IQCF5: variants seen among roughly 807,000 people sequenced by gnomAD.
IQCF5 encodes IQ domain-containing protein F5.
IQCF5 carries 2 observed loss-of-function variants against 3.4 expected under a neutral mutation model. That is an observed-to-expected ratio of 0.58 (90% CI 0.24 to 1.84). IQCF5 has a LOEUF of 1.84. Among genes scored for constraint, IQCF5 ranks in the 40% most tolerant of loss-of-function variants. The pLI, the probability that IQCF5 is intolerant of heterozygous loss-of-function variation, is 0.17. For missense variants in IQCF5, 167 were observed against 191.6 expected (o/e 0.87, Z 0.76); for synonymous variants, 58 against 64.7 (o/e 0.90, Z 0.49).
intron 1 of IQCF5, chr3:51,874,826 C>T (rs954641370): frequency 1.1e-4 from 21 of 192,796 alleles, no homozygotes; most frequent in Non-Finnish European, 2.2e-4. Flanking sequence ...ACAGTCTCCA[C>T]TCCGTATCTC....
intron 1 of IQCF5, chr3:51,874,673 G>A (rs901450046): frequency 2.8e-6 from 1 of 352,274 alleles, no homozygotes; most frequent in African/African-American, 2.1e-5. Context: ...TTGAACTTCA[G>A]CTATGCATGC....
intron 1 of IQCF5, 27 bp downstream of exon 1, chr3:51,875,501 G>A (rs1261728655): frequency 7.1e-6 from 11 of 1,551,830 alleles, no homozygotes; most frequent in East Asian, 2.4e-5. Context: ...CGTAAAATTC[G>A]CACAGGTCTG....
intron 1 of IQCF5, 81 bp from the exon 2 acceptor site, chr3:51,874,256 A>C: frequency 7.2e-7 from 1 of 1,391,304 alleles, no homozygotes; most frequent in Non-Finnish European, 9.9e-7. Context: ...CTTCCTCTAA[A>C]GTTCAGCACT....
rs549591902 is a variant in IQCF5, at chr3:51,874,243, C to T, written c.5-68G>A. 7 of 1,460,404 alleles carry T rather than the reference C, an allele frequency of 4.8e-6. No homozygotes were observed. In the South Asian group the frequency reaches 8.5e-5, roughly 18 times the overall value. The allele number at this position is 1,460,404 out of a possible 1,614,324, so 90.5% of individuals were successfully genotyped here. A position where few individuals can be genotyped will look rare whatever the true frequency, so the allele number is the denominator to read the frequency against. On this transcript the variant is annotated intron_variant, in intron 1 of 1. Transcript: ENST00000446461. ...GGCCCTGATCCTCTATCAATGATGG[C>T]TCCTTCCTCTAAAGTTCAGCACTGG...
intron 1 of IQCF5, 103 bp from the exon 2 acceptor site, chr3:51,874,278 C>T: frequency 8.5e-7 from 1 of 1,172,578 alleles, no homozygotes; most frequent in Non-Finnish European, 1.2e-6. Flanking sequence ...GGCAGGGCAA[C>T]AGCTGAACCC....
intron 1 of IQCF5, chr3:51,875,273 A>T (rs1041171959): frequency 1.8e-6 from 1 of 547,172 alleles, no homozygotes; most frequent in African/African-American, 1.9e-5. Context: ...ATCAGAGTGT[A>T]TGGGGGGAAA....
At chr3:51,874,305 G>T in intron 1 of IQCF5, 130 bp from the exon 2 acceptor site, 2 of 909,922 alleles carry the variant, frequency 2.2e-6, no homozygotes, top group South Asian at 1.4e-5. Context: ...CCAGGTAGGT[G>T]TCCCCCCTCT....
At chr3:51,875,107 G>A (rs538549169) in intron 1 of IQCF5, 4 of 217,616 alleles carry the variant, frequency 1.8e-5, no homozygotes, top group South Asian at 8.5e-5. Flanking sequence ...AGCCACTCAC[G>A]GAGTTGTGGG....
At position 51,874,150 on chromosome 3, in the gene IQCF5, T is replaced by C; in HGVS notation, c.30A>G (p.Thr10=). The change falls in exon 2 of 2, where the codon ACA becomes ACG. Residue 10 remains threonine (T), a synonymous_variant. Transcript: ENST00000446461. The part of the protein sequence containing the change: MGPEEKTIM[T]ERSAAVFIQA... ...GGATGAAAACAGCTGCAGACCTTTC[T>C]GTCATGATGGTCTTCTCTTCTGGGC... 6.4e-7 allele frequency: 1 copy of C among 1,551,712 alleles called. No individual in the cohort carries two copies. The highest frequency in any genetic ancestry group is 8.7e-7 in the Non-Finnish European group (1 of 1,146,832).
rs549278514 is a variant in IQCF5 at position 51,874,199 on chromosome 3, T to C, written c.5-24A>G. ...GCCTTACAAGAGAAAACAGACACAC[T>C]CAGGGTATGCTAGGAAGGGGCCCTG... On this transcript the variant is annotated intron_variant, in intron 1 of 1. Coordinates refer to ENST00000446461, the MANE Select transcript of IQCF5 (RefSeq NM_001145059.2). 6.5e-6 allele frequency: 10 copies of C among 1,544,668 alleles called. No individual in the cohort carries two copies. In the South Asian group the frequency reaches 1.2e-4, roughly 18 times the overall value.
intron 1 of IQCF5, 66 bp from the exon 2 acceptor site, chr3:51,874,241 G>A: frequency 5.5e-6 from 8 of 1,466,140 alleles, no homozygotes; most frequent in Non-Finnish European, 7.4e-6. Flanking sequence ...TATCAATGAT[G>A]GCTCCTTCCT....
Position 51,873,897 on chromosome 3 carries a change from G to T in IQCF5, c.283C>A (p.Arg95Ser). 6.4e-7 allele frequency: 1 copy of T among 1,551,742 alleles called. No individual in the cohort carries two copies. Among genetic ancestry groups the T allele is most frequent in the Non-Finnish European group, 8.7e-7 (1 of 1,147,018 alleles). The change falls in exon 2 of 2, where the codon CGC (arginine) becomes AGC (serine). Residue 95 changes from arginine to serine, a missense_variant. Physicochemically the swap from Arg to Ser is moderately radical, Grantham distance 110. Coordinates refer to ENST00000446461, the MANE Select transcript of IQCF5 (RefSeq NM_001145059.2). ...QRYCRLLNAV[R>S]IIQVYWRWHS... ...CAGCGCCAATAGACCTGGATGATGC[G>T]GACAGCGTTGAGCAAACGACAGTAA...
chr3:51,875,244 A>T, intron 1 of IQCF5: 1 of 507,568 alleles, frequency 2.0e-6, no homozygotes, highest in Non-Finnish European at 3.6e-6. Flanking sequence ...CATTTAAAAC[A>T]GCTTGCCATC....
At chr3:51,874,931 CCAGTTTTTCTGGAACACCCTGATTGATGT>C (rs1698780291) in intron 1 of IQCF5, 1 of 172,568 alleles carries the variant, frequency 5.8e-6, no homozygotes, top group Non-Finnish European at 1.3e-5. Flanking sequence ...ACGTTTCACC[CCAGTTTTTCTGGAACACCCTGATTGATGT>C]CAGGTAATGA....
At chr3:51,875,400 T>C in intron 1 of IQCF5, 128 bp downstream of exon 1, 1 of 995,372 alleles carries the variant, frequency 1.0e-6, no homozygotes, top group Non-Finnish European at 1.6e-6. Context: ...AGGGGGGTCC[T>C]GTCATGAGTA....
intron 1 of IQCF5, chr3:51,874,707 A>G: frequency 3.3e-6 from 1 of 300,192 alleles, no homozygotes; most frequent in South Asian, 2.9e-5. Context: ...TGCACACTCC[A>G]CACACTAACA....
In IQCF5 at chr3:51,874,429, C is replaced by A. The variant is rs535838619; in HGVS notation, c.5-254G>T. ...GCTACCTCATTCCATTTTCCATGGA[C>A]CTTGCTGGCCAGTCTAGAGCAAGAA... On this transcript the variant is annotated intron_variant, in intron 1 of 1. Coordinates refer to ENST00000446461, the MANE Select transcript of IQCF5 (RefSeq NM_001145059.2). The A allele has an allele frequency of 2.0e-4, 134 of 656,190 alleles. 1 individual carries two copies. The African/African-American group carries it at 2.2e-3, about 11-fold the overall frequency. 40.6% of individuals were successfully genotyped at this position (656,190 alleles called of 1,614,324 possible).
rs766381060 is a variant in IQCF5 at position 51,873,875 on chromosome 3, C to T, written c.305G>A (p.Arg102His). The T allele has an allele frequency of 6.0e-5, 93 of 1,551,636 alleles. No homozygotes were observed. Among genetic ancestry groups the T allele is most frequent in the Non-Finnish European group, 7.1e-5 (81 of 1,147,006 alleles). Reference sequence around the variant, plus strand: ...GACACGGGAATGGCAGCTGTGCCAGCGCCAATAGACCTGGATGATGCGGAC... The same window carrying T: ...GACACGGGAATGGCAGCTGTGCCAGTGCCAATAGACCTGGATGATGCGGAC... The part of the protein sequence containing the change: ...NAVRIIQVYW[R>H]WHSCHSRVFI... The change falls in exon 2 of 2, where the codon CGC becomes CAC. Residue 102 changes from arginine (R) to histidine (H), a missense_variant. Coordinates refer to ENST00000446461, the MANE Select transcript of IQCF5 (RefSeq NM_001145059.2).
intron 1 of IQCF5, 122 bp from the exon 2 acceptor site, chr3:51,874,297 A>ACCTGGTCTCCT: frequency 3.1e-6 from 3 of 983,442 alleles, no homozygotes; most frequent in Non-Finnish European, 3.1e-6. Context: ...CCAGGAGACC[A>ACCTGGTCTCCT]GGTAGGTGTC....
Sources: gnomAD v4.1 joint callset for allele counts on GRCh38, gnomAD v4.1.1 for gene constraint, MANE v1.5 for transcripts, NCBI Gene and HGNC (gene_info 2026-07-23, HGNC 2026-07-21) for gene names.